Variants in RNF115 observed in about 807,000 individuals in gnomAD.
The protein encoded by RNF115 is E3 ubiquitin-protein ligase RNF115.
In RNF115, 31 loss-of-function variants were observed where a neutral mutation model predicts 39.2. The observed-to-expected ratio is 0.79, with a 90% CI of 0.59 to 1.07. RNF115 has a LOEUF of 1.07. RNF115 is among the 50% of genes least tolerant of loss of function. The pLI is 0.00. For missense variants in RNF115, 384 were observed against 381.7 expected (o/e 1.01, Z -0.05); for synonymous variants, 124 against 131.0 (o/e 0.95, Z 0.37).
intron 1 of RNF115, among the ~76,000 whole-genome samples, chr1:145,805,464 TGAA>T (rs781873974): frequency 2.7e-5 from 4 of 150,576 alleles, no homozygotes; most frequent in Non-Finnish European, 5.9e-5. Context: ...AAAAAAAAAA[TGAA>T]GTTTTAATTT....
chr1:145,809,233 C>G (rs1426777146), intron 1 of RNF115, among the ~76,000 whole-genome samples: 2 of 148,146 alleles, frequency 1.4e-5, no homozygotes, highest in Admixed American at 6.8e-5. Context: ...GTTGCCCAGG[C>G]TGGAGTGCAG....
chr1:145,767,585 G>A (rs1647401058), intron 4 of RNF115, among the ~76,000 whole-genome samples: 1 of 152,232 alleles, frequency 6.6e-6, no homozygotes, highest in Non-Finnish European at 1.5e-5. Context: ...GCCGGGCAGA[G>A]GCTGCAATCT....
At position 145,771,893 on chromosome 1, in the gene RNF115, C is replaced by T. The variant is rs1553715825; in HGVS notation, c.246G>A (p.Met82Ile). 6.2e-7 allele frequency: 1 copy of T among 1,613,992 alleles called. No individual in the cohort carries two copies. The highest frequency in any genetic ancestry group is 8.5e-7 in the Non-Finnish European group (1 of 1,179,962). ...GAAAGGGTCTAAAATCTTGAAAAAA[C>T]ATCGTGTGATCCAAATGGCCCCAAA... ...AELWGHLDHT[M>I]FFQDFRPFLS... The change falls in exon 4 of 9, where the codon ATG becomes ATA. Residue 82 changes from methionine (M) to isoleucine (I), a missense_variant. Physicochemically the swap from Met to Ile is conservative, Grantham distance 10 (BLOSUM62 1). Transcript: ENST00000582693.
intron 4 of RNF115, among the ~76,000 whole-genome samples, chr1:145,756,987 C>T: frequency 6.6e-6 from 1 of 151,910 alleles, no homozygotes; most frequent in Non-Finnish European, 1.5e-5. Flanking sequence ...AGGCATGGGC[C>T]ACCACGCCTG....
intron 1 of RNF115, among the ~76,000 whole-genome samples, chr1:145,814,531 C>T (rs1469667712): frequency 6.6e-6 from 1 of 151,430 alleles, no homozygotes; most frequent in African/African-American, 2.4e-5. Context: ...TGCAGTGAGC[C>T]GAGATCGTGC....
At chr1:145,769,798 C>G (rs1647552287) in intron 4 of RNF115, among the ~76,000 whole-genome samples, 1 of 149,048 alleles carries the variant, frequency 6.7e-6, no homozygotes, top group Non-Finnish European at 1.5e-5. Flanking sequence ...CAAATCAACT[C>G]CAATAATGTG....
intron 1 of RNF115, among the ~76,000 whole-genome samples, chr1:145,800,596 G>A (rs1649189502): frequency 6.6e-6 from 1 of 152,116 alleles, no homozygotes; most frequent in African/African-American, 2.4e-5. Context: ...AGACTACTCT[G>A]CTGGATAAAG....
At chr1:145,780,571 G>A (rs1312078137) in intron 3 of RNF115, among the ~76,000 whole-genome samples, 2 of 139,562 alleles carry the variant, frequency 1.4e-5, no homozygotes, top group Admixed American at 1.5e-4. Flanking sequence ...AGTGAGCCGA[G>A]ATTGCGCCAC....
chr1:145,771,633 C>T (rs903142704), intron 4 of RNF115, 78 bp downstream of exon 4: 3 of 1,142,040 alleles, frequency 2.6e-6, no homozygotes, highest in East Asian at 2.3e-5. Flanking sequence ...AAGTATGAGA[C>T]CCTTATAAAG....
rs138798810 is a variant in RNF115, at chr1:145,765,750, A to T, written c.428+5961T>A. Among the ~76,000 whole-genome samples the T allele has an allele frequency of 3.7e-4, 56 of 152,366 alleles. 1 individual carries two copies. The highest frequency in any genetic ancestry group is 1.3e-3 in the African/African-American group (55 of 41,590). ...AAGACCTAATTAACTATCATTCAAA[A>T]GCTGCAGATTAGAGGATAAAGCACA... On this transcript the variant is annotated intron_variant, in intron 4 of 8. Coordinates refer to ENST00000582693, the MANE Select transcript of RNF115 (RefSeq NM_014455.4).
At chr1:145,793,541 C>A (rs1241572180) in intron 1 of RNF115, among the ~76,000 whole-genome samples, 1 of 152,098 alleles carries the variant, frequency 6.6e-6, no homozygotes, top group Non-Finnish European at 1.5e-5. Context: ...CCAACTCCCC[C>A]CAAATGTGTA....
chr1:145,795,398 TCC>T (rs1427261234), intron 1 of RNF115, among the ~76,000 whole-genome samples: 1 of 152,074 alleles, frequency 6.6e-6, no homozygotes, highest in Non-Finnish European at 1.5e-5. Context: ...CAGCTTTTAT[TCC>T]CTTATTTGTC....
At chr1:145,753,303 T>C (rs1170523377) in intron 4 of RNF115, among the ~76,000 whole-genome samples, 1 of 152,204 alleles carries the variant, frequency 6.6e-6, no homozygotes, top group Non-Finnish European at 1.5e-5. Flanking sequence ...GATCTGATGG[T>C]ATGGTATAGT....
At chr1:145,768,497 G>A (rs1647485548) in intron 4 of RNF115, among the ~76,000 whole-genome samples, 1 of 152,196 alleles carries the variant, frequency 6.6e-6, no homozygotes, top group Non-Finnish European at 1.5e-5. Flanking sequence ...TGGATTTTTA[G>A]TAGAGATGGG....
intron 3 of RNF115, among the ~76,000 whole-genome samples, chr1:145,777,144 C>T (rs946246348): frequency 2.2e-4 from 33 of 152,188 alleles, no homozygotes; most frequent in Non-Finnish European, 7.3e-5. Flanking sequence ...TATAAGAAAT[C>T]TATGATTCCC....
chr1:145,766,048 G>A (rs1451722160), intron 4 of RNF115, among the ~76,000 whole-genome samples: 3 of 151,762 alleles, frequency 2.0e-5, no homozygotes, highest in African/African-American at 7.3e-5. Flanking sequence ...TCTCGCAGAG[G>A]GAGATTTGGC....
chr1:145,810,794 A>G (rs1649659040), intron 1 of RNF115, among the ~76,000 whole-genome samples: 1 of 143,394 alleles, frequency 7.0e-6, no homozygotes, highest in African/African-American at 2.6e-5. Flanking sequence ...TAAAATCTGT[A>G]TAATTACCAA....
chr1:145,750,976 G>GA (rs1474437621), intron 6 of RNF115, among the ~76,000 whole-genome samples: 1 of 152,146 alleles, frequency 6.6e-6, no homozygotes, highest in Non-Finnish European at 1.5e-5. Context: ...CAACGGAAAT[G>GA]AAAAACCAAT....
At chr1:145,782,126 A>G (rs1346329772) in intron 3 of RNF115, among the ~76,000 whole-genome samples, 1 of 151,806 alleles carries the variant, frequency 6.6e-6, no homozygotes, top group Non-Finnish European at 1.5e-5. Flanking sequence ...GCTGGTCTTG[A>G]ACTCCCAACC....
Sources: gnomAD v4.1 joint callset for allele counts (sites outside exome capture counted in the v4.1 genomes callset) on GRCh38, gnomAD v4.1.1 for gene constraint, MANE v1.5 for transcripts, NCBI Gene and HGNC (gene_info 2026-07-23, HGNC 2026-07-21) for gene names.